Variants in DUOX1 observed in about 807,000 individuals in gnomAD.
DUOX1 encodes the protein dual oxidase 1, also known as NADPH thyroid oxidase 1.
In DUOX1, 134 loss-of-function variants were observed where a neutral mutation model predicts 181.8. The ratio of observed to expected loss-of-function variants is 0.74; its 90% confidence interval spans 0.64 to 0.85. The LOEUF is 0.85. Ranked by LOEUF, DUOX1 falls within the 40% of genes least tolerant of loss-of-function variation. The probability of loss-of-function intolerance (pLI) is 0.00; values close to 1 mark genes in which losing one functional copy is unlikely to be tolerated. For missense variants in DUOX1, 1,814 were observed against 2,064.4 expected (o/e 0.88, Z 2.35); for synonymous variants, 798 against 832.5 (o/e 0.96, Z 0.71).
chr15:45,139,397 C>A, intron 11 of DUOX1, 30 bp from the exon 12 acceptor site: 3 of 1,609,162 alleles, frequency 1.9e-6, no homozygotes, highest in Non-Finnish European at 2.5e-6. Context: ...GCCCTGAGCT[C>A]CCTCAGACTG....
chr15:45,134,162 C>G lies in DUOX1; in HGVS notation c.160C>G (p.Leu54Val). Residue 54 changes from leucine (L) to valine (V), a missense_variant, in exon 4 of 34, where the codon CTG (leucine) becomes GTG (valine). This residue lies in a region of DUOX1 where 320 missense variants were observed against 313.1 expected (regional missense o/e 1.02). Coordinates refer to ENST00000389037, the MANE Select transcript of DUOX1 (RefSeq NM_175940.3). ...WGSKGSRLQR[L>V]VPASYADGVY... ...TACCCCAGGCTCCCGGCTGCAGCGCCTGGTCCCAGCCAGCTATGCAGATGG... is the reference window on the plus strand; with the variant it reads ...TACCCCAGGCTCCCGGCTGCAGCGCGTGGTCCCAGCCAGCTATGCAGATGG... 1 of 1,556,720 alleles carries G rather than the reference C, an allele frequency of 6.4e-7. No homozygotes were observed. The highest frequency in any genetic ancestry group is 8.6e-7 in the Non-Finnish European group (1 of 1,156,448).
At chr15:45,155,675 G>A (rs1357949767) in intron 27 of DUOX1, 127 bp from the exon 28 acceptor site, 1 of 1,346,244 alleles carries the variant, frequency 7.4e-7, no homozygotes, top group African/African-American at 1.4e-5. Context: ...GAGAGGACCA[G>A]AGGAGAATGC....
At chr15:45,140,665 T>C (rs1429592344) in intron 12 of DUOX1, 2 of 453,356 alleles carry the variant, frequency 4.4e-6, no homozygotes, top group Admixed American at 7.5e-5. Context: ...GGCTGTTTTA[T>C]TACTTTATAA....
chr15:45,142,789 G>GGA lies in DUOX1; in HGVS notation c.1823-401_1823-400insGA, dbSNP rs1480496555. Reference sequence around the variant, plus strand: ...GAAAGAAGGAAGGAAGGAAGGAAGGGAGGGAGGAAGGGAGGGAGGAAGAGC... The same window carrying GGA: ...GAAAGAAGGAAGGAAGGAAGGAAGGGGAAGGGAGGAAGGGAGGGAGGAAGAGC... On this transcript the variant is annotated intron_variant, in intron 15 of 33. Transcript: ENST00000389037. Among the ~76,000 whole-genome samples, 1,145 of 139,842 alleles carry GGA rather than the reference G, an allele frequency of 8.2e-3. 44 individuals are homozygous for GGA. The highest frequency in any genetic ancestry group is 0.019 in the African/African-American group (687 of 36,590). 91.7% of individuals were successfully genotyped at this position (139,842 alleles called of 152,430 possible).
intron 7 of DUOX1, 124 bp downstream of exon 7, chr15:45,136,072 AG>A (rs1896305097): frequency 6.5e-7 from 1 of 1,532,122 alleles, no homozygotes; most frequent in Admixed American, 1.9e-5. Context: ...CAGACAGCCG[AG>A]GTCCAGGGAA....
At chr15:45,154,825 C>T (rs1308673780) in intron 27 of DUOX1, among the ~76,000 whole-genome samples, 3 of 152,216 alleles carry the variant, frequency 2.0e-5, no homozygotes, top group African/African-American at 4.8e-5. Context: ...GGAGCATTCT[C>T]TGTCCTCTCT....
Position 45,160,851 on chromosome 15 carries a change from T to C in DUOX1, c.3717T>C (p.Gly1239=). The C allele has an allele frequency of 6.2e-7, 1 of 1,608,196 alleles. No homozygotes were observed. The highest frequency in any genetic ancestry group is 1.3e-5 in the African/African-American group (1 of 75,030). Residue 1239 remains glycine (G), a synonymous_variant, in exon 29 of 34, where the codon GGT becomes GGC. Transcript: ENST00000389037. ...ILLYVLLIIH[G]SFALIQLPRF... is the part of the protein sequence containing the mutation. ...CCTCCATCTAGCTCATCATCCATGG[T>C]AGCTTTGCCCTGATCCAGCTGCCCC...
chr15:45,147,196 CTCAAG>C (rs1378807236), intron 18 of DUOX1, among the ~76,000 whole-genome samples: 2 of 152,218 alleles, frequency 1.3e-5, no homozygotes, highest in Non-Finnish European at 2.9e-5. Context: ...CTTTCTTGTG[CTCAAG>C]TCAAGACAGA....
In DUOX1 at chr15:45,131,971, G is replaced by A. The variant is rs746071532; in HGVS notation, c.5G>A (p.Gly2Asp). The stretch of plus-strand genomic sequence containing the variant: ...TGAGCCCCTATTATTTTCATCATGG[G>A]CTTCTGCCTGGCTCTAGCATGGACA... M[G>D]FCLALAWTLL... Residue 2 changes from glycine (G) to aspartate (D), a missense_variant, in exon 2 of 34, where the codon GGC becomes GAC. Around this residue, in one of 5 missense-constraint regions of DUOX1, gnomAD observed 320 missense variants for 313.1 expected, o/e 1.02. Transcript: ENST00000389037. The A allele has an allele frequency of 6.2e-7, 1 of 1,614,092 alleles. No individual in the cohort carries two copies. The highest frequency in any genetic ancestry group is 1.7e-5 in the Admixed American group (1 of 60,016).
intron 18 of DUOX1, among the ~76,000 whole-genome samples, chr15:45,145,926 A>T (rs1219206903): frequency 6.6e-6 from 1 of 152,116 alleles, no homozygotes; most frequent in Non-Finnish European, 1.5e-5. Context: ...GTTAAAAAAA[A>T]AAAAAGATAA....
Position 45,141,300 on chromosome 15 carries a change from C to G in DUOX1, c.1574C>G (p.Ser525Cys). 6.2e-7 allele frequency: 1 copy of G among 1,614,192 alleles called. No individual in the cohort carries two copies. The highest frequency in any genetic ancestry group is 8.5e-7 in the Non-Finnish European group (1 of 1,180,026). ...WFENTRNGLF[S>C]KKEIEEIRNT... ...TACTTACTCCAACTTAGGCTGTTCT[C>G]CAAGAAGGAGATTGAAGAAATCCGA... The change falls in exon 14 of 34, where the codon TCC becomes TGC. Residue 525 changes from serine (S) to cysteine (C), a missense_variant. By Grantham distance (112) the Ser-to-Cys change is moderately radical. Around this residue, in one of 5 missense-constraint regions of DUOX1, gnomAD observed 1,064 missense variants for 1,152.9 expected, o/e 0.92. Coordinates refer to ENST00000389037, the MANE Select transcript of DUOX1 (RefSeq NM_175940.3).
chr15:45,141,820 T>C (rs889322774), intron 14 of DUOX1, 155 bp from the exon 15 acceptor site: 3 of 697,632 alleles, frequency 4.3e-6, no homozygotes, highest in Non-Finnish European at 7.0e-6. Context: ...GAGGTTGGGA[T>C]TCATTTTTTA....
chr15:45,147,620 T>C lies in DUOX1; in HGVS notation c.2510T>C (p.Phe837Ser), dbSNP rs781652613. 1.2e-6 allele frequency: 2 copies of C among 1,614,190 alleles called. No homozygotes were observed. Among genetic ancestry groups the C allele is most frequent in the Admixed American group, 3.3e-5 (2 of 60,030 alleles). ...ADKDGNGYLS[F>S]REFLDILVVF... is the part of the protein sequence containing the mutation. ...AAGGATGGCAATGGCTACCTGTCCT[T>C]CCGAGAGTTCCTGGACATCCTGGTG... The change falls in exon 19 of 34, where the codon TTC (phenylalanine) becomes TCC (serine). Residue 837 changes from phenylalanine to serine, a missense_variant. Physicochemically the swap from Phe to Ser is radical, Grantham distance 155. Transcript: ENST00000389037.
chr15:45,150,724 C>T (rs201063536), intron 22 of DUOX1, 23 bp downstream of exon 22: 85 of 1,612,306 alleles, frequency 5.3e-5, no homozygotes, highest in Admixed American at 2.5e-4. Context: ...CTGGGAATGT[C>T]GGGGGGAGGA....
intron 18 of DUOX1, among the ~76,000 whole-genome samples, chr15:45,146,125 A>G (rs1416038988): frequency 1.3e-5 from 2 of 152,184 alleles, no homozygotes; most frequent in Non-Finnish European, 2.9e-5. Flanking sequence ...GATATTTGGC[A>G]AGGACTTAAA....
At chr15:45,153,732 C>G (rs1896891083) in intron 26 of DUOX1, 1 of 634,046 alleles carries the variant, frequency 1.6e-6, no homozygotes, top group South Asian at 1.9e-5. Flanking sequence ...CAAAGATCTC[C>G]TCTCATTAGC....
At chr15:45,141,191 A>G (rs906254481) in intron 13 of DUOX1, 101 bp from the exon 14 acceptor site, 45 of 1,561,142 alleles carry the variant, frequency 2.9e-5, no homozygotes, top group Admixed American at 1.0e-4. Context: ...CCACTTCCCA[A>G]CACCTCTGGG....
At chr15:45,156,645 C>A (rs1433321167) in intron 28 of DUOX1, among the ~76,000 whole-genome samples, 1 of 152,174 alleles carries the variant, frequency 6.6e-6, no homozygotes, top group Non-Finnish European at 1.5e-5. Context: ...GTTGGCCAGG[C>A]TGGTCTCGAA....
rs559003700 is a variant in DUOX1, at chr15:45,144,311, T to C, written c.2136+76T>C. 771 of 1,501,072 alleles carry C rather than the reference T, an allele frequency of 5.1e-4. 2 individuals are homozygous for C. The African/African-American group carries it at 7.3e-3, about 14-fold the overall frequency. The allele number at this position is 1,501,072 out of a possible 1,614,324, so 93.0% of individuals were successfully genotyped here. ...GCAGCCAGGTGGAGGGGAAGAAGCA[T>C]GGGGTCAGGAGGCAGGAAATGATAG... On this transcript the variant is annotated intron_variant, in intron 17 of 33. Coordinates refer to ENST00000389037, the MANE Select transcript of DUOX1 (RefSeq NM_175940.3).
Sources: allele counts gnomAD v4.1 joint callset (sites outside exome capture counted in the v4.1 genomes callset), GRCh38; gene constraint gnomAD v4.1.1; regional missense constraint gnomAD v4.1.1; transcripts MANE v1.5; gene names NCBI Gene and HGNC (gene_info 2026-07-23, HGNC 2026-07-21).